The following ZNF83 variants were observed in gnomAD, a reference collection of about 807,000 sequenced individuals.
ZNF83 encodes zinc finger protein 816B.
For missense variants in ZNF83, 552 were observed against 629.9 expected, an observed-to-expected ratio of 0.88 and a Z score of 1.32; for synonymous variants, 209 against 213.0, an observed-to-expected ratio of 0.98 and a Z score of 0.17.
At position 52,668,361 on chromosome 19, in the gene ZNF83, T is replaced by C. The variant is rs151126494; in HGVS notation, c.-282-7518A>G. 5.5e-3 allele frequency among the ~76,000 whole-genome samples: 840 copies of C among 152,302 alleles called. 5 individuals carry two copies. The highest frequency in any genetic ancestry group is 0.019 in the African/African-American group (775 of 41,564). On this transcript the variant is annotated intron_variant, in intron 1 of 5. Coordinates refer to the ZNF83 transcript ENST00000594682. The stretch of plus-strand genomic sequence containing the variant: ...TGTTCCTGGATCAAGCCCTACCAAA[T>C]TAAAGCTAAGGAAAGCTTAGTCTAT...
At chr19:52,613,510 T>C (rs752172819) in exon 3 of ZNF83, 5 of 1,614,208 alleles carry the variant, frequency 3.1e-6, no homozygotes, top group Non-Finnish European at 3.4e-6. Flanking sequence ...ACTGAAGACC[T>C]TGCCACATTC....
intron 2 of ZNF83, among the ~76,000 whole-genome samples, chr19:52,623,297 G>GT (rs1297319484): frequency 6.7e-6 from 1 of 149,118 alleles, no homozygotes; most frequent in East Asian, 1.9e-4. Context: ...ACAGTGGGGC[G>GT]TAAGTCCATC....
chr19:52,686,131 T>A (rs1331981645), intron 1 of ZNF83, among the ~76,000 whole-genome samples: 3 of 152,162 alleles, frequency 2.0e-5, no homozygotes, highest in Non-Finnish European at 4.4e-5. Context: ...GTCACTGACA[T>A]CTTTACCAGG....
intron 2 of ZNF83, among the ~76,000 whole-genome samples, chr19:52,632,970 C>G (rs938621614): frequency 6.6e-6 from 1 of 152,108 alleles, no homozygotes; most frequent in African/African-American, 2.4e-5. Context: ...TCCATACCAC[C>G]CCCAAAAATT....
chr19:52,643,786 G>A (rs1371870649), intron 3 of ZNF83, among the ~76,000 whole-genome samples: 1 of 152,156 alleles, frequency 6.6e-6, no homozygotes, highest in African/African-American at 2.4e-5. Context: ...GGGCATGGGA[G>A]ACATCTCTGA....
At chr19:52,654,767 T>A (rs1370791674) in intron 3 of ZNF83, 2 of 157,300 alleles carry the variant, frequency 1.3e-5, no homozygotes, top group Non-Finnish European at 2.8e-5. Context: ...TAAGCCTGAA[T>A]GATGTCCTCC....
rs67570337 is a variant in ZNF83, at chr19:52,674,015, C to CAAAAA, written c.-282-13177_-282-13173dup. On this transcript the variant is annotated intron_variant, in intron 1 of 5. Transcript: ENST00000594682. ...TGGGTAACAGAGTGAGACTCCATCT[C>CAAAAA]AAAAAAAAAAAAAAAAAAAAAAATT... is the stretch of plus-strand genomic sequence containing the variant. 6.6e-3 allele frequency among the ~76,000 whole-genome samples: 480 copies of CAAAAA among 72,938 alleles called. 4 individuals are homozygous for CAAAAA. The highest frequency in any genetic ancestry group is 8.2e-3 in the African/African-American group (156 of 19,140). 47.9% of individuals were successfully genotyped at this position (72,938 alleles called of 152,430 possible). A position where few individuals can be genotyped will look rare whatever the true frequency, so the allele number is the denominator to read the frequency against.
At chr19:52,684,328 T>C (rs1272205367) in intron 1 of ZNF83, among the ~76,000 whole-genome samples, 1 of 151,942 alleles carries the variant, frequency 6.6e-6, no homozygotes, top group Non-Finnish European at 1.5e-5. Context: ...ATCACACCAC[T>C]ACACTCCAGC....
intron 2 of ZNF83, among the ~76,000 whole-genome samples, chr19:52,632,386 T>G (rs2061001402): frequency 6.6e-6 from 1 of 152,232 alleles, no homozygotes; most frequent in African/African-American, 2.4e-5. Context: ...CTCAGAATGC[T>G]ACAAGGTACA....
chr19:52,620,469 C>G (rs920850950), intron 2 of ZNF83, among the ~76,000 whole-genome samples: 1 of 152,058 alleles, frequency 6.6e-6, no homozygotes, highest in Non-Finnish European at 1.5e-5. Context: ...TGTAGTAATG[C>G]AGGTGAGCAC....
chr19:52,673,992 G>C (rs2061763897), intron 1 of ZNF83, among the ~76,000 whole-genome samples: 1 of 143,032 alleles, frequency 7.0e-6, no homozygotes, highest in Non-Finnish European at 1.5e-5. Flanking sequence ...CTGCAGCCTG[G>C]GTAACAGAGT....
chr19:52,661,706 G>A, intron 1 of ZNF83, among the ~76,000 whole-genome samples: 1 of 152,184 alleles, frequency 6.6e-6, no homozygotes, highest in Non-Finnish European at 1.5e-5. Flanking sequence ...TCCCCTTGGG[G>A]ACTTGTTCCC....
chr19:52,690,115 G>A (rs1390824960), intron 1 of ZNF83, among the ~76,000 whole-genome samples: 1 of 151,960 alleles, frequency 6.6e-6, no homozygotes, highest in African/African-American at 2.4e-5. Flanking sequence ...TGCCCACGGC[G>A]GGAATCCACT....
intron 2 of ZNF83, among the ~76,000 whole-genome samples, chr19:52,625,630 C>T (rs1267847475): frequency 2.0e-5 from 3 of 152,188 alleles, no homozygotes; most frequent in Non-Finnish European, 4.4e-5. Flanking sequence ...TCAATACTGG[C>T]AAACTTAAAA....
At chr19:52,623,894 T>C (rs1262402268) in intron 2 of ZNF83, among the ~76,000 whole-genome samples, 1 of 152,228 alleles carries the variant, frequency 6.6e-6, no homozygotes, top group African/African-American at 2.4e-5. Context: ...CAAATTGTTT[T>C]GCCTATCCAC....
chr19:52,637,426 A>C (rs549457179), intron 1 of ZNF83, among the ~76,000 whole-genome samples: 378 of 151,740 alleles, frequency 2.5e-3, no homozygotes, highest in Non-Finnish European at 4.4e-3. Flanking sequence ...CTCTGATGAG[A>C]TTCCCTCTTT....
intron 2 of ZNF83, among the ~76,000 whole-genome samples, chr19:52,627,832 C>T (rs2060800136): frequency 2.0e-5 from 3 of 152,154 alleles, no homozygotes; most frequent in South Asian, 2.1e-4. Context: ...CATCATATCC[C>T]GTGACCTGCA....
intron 1 of ZNF83, among the ~76,000 whole-genome samples, chr19:52,672,895 G>T (rs904666419): frequency 6.6e-6 from 1 of 152,118 alleles, no homozygotes; most frequent in African/African-American, 2.4e-5. Flanking sequence ...ATTTTAATCA[G>T]AAATAATTAA....
intron 2 of ZNF83, among the ~76,000 whole-genome samples, chr19:52,658,521 C>T (rs2061537143): frequency 6.6e-6 from 1 of 152,158 alleles, no homozygotes; most frequent in Admixed American, 6.6e-5. Context: ...GCCGAGATTG[C>T]ACCACTGCAC....
Sources: allele counts gnomAD v4.1 joint callset (sites outside exome capture counted in the v4.1 genomes callset), GRCh38; gene constraint gnomAD v4.1.1; transcripts MANE v1.5; gene names NCBI Gene and HGNC (gene_info 2026-07-23, HGNC 2026-07-21).